The following TMCO6 variants were observed in gnomAD, a reference collection of about 807,000 sequenced individuals.
TMCO6 encodes transmembrane and coiled-coil domains 6, also known as transmembrane and coiled-coil domain-containing protein 6.
Under a neutral mutation model 61.8 loss-of-function variants are expected in TMCO6, and 47 were observed. The observed-to-expected ratio is 0.76, with a 90% CI of 0.60 to 0.97. TMCO6 has a LOEUF of 0.97. Among genes scored for constraint, TMCO6 ranks in the 50% least tolerant of loss-of-function variants. The pLI is 0.00. For synonymous variants in TMCO6, 261 were observed against 254.2 expected (o/e 1.03, Z -0.25); for missense variants, 557 against 601.6 (o/e 0.93, Z 0.78).
chr5:140,643,059 A>G lies in TMCO6; in HGVS notation c.806+18A>G. On this transcript the variant is annotated intron_variant, in intron 7 of 11. Coordinates refer to ENST00000394671, the MANE Select transcript of TMCO6 (RefSeq NM_018502.5). ...ATCTGCAGGTAACAGGGCAATTGGG[A>G]AAGTACCACAGATCTTCCCTGGGGC... 6.2e-7 allele frequency: 1 copy of G among 1,614,138 alleles called. No individual in the cohort carries two copies. The highest frequency in any genetic ancestry group is 8.5e-7 in the Non-Finnish European group (1 of 1,180,000).
Position 140,644,554 on chromosome 5 carries a change from T to C in TMCO6, c.1201-19T>C, listed in dbSNP as rs1268696764. 4 of 1,613,398 alleles carry C rather than the reference T, an allele frequency of 2.5e-6. No homozygotes were observed. Among genetic ancestry groups the C allele is most frequent in the East Asian group, 2.2e-5 (1 of 44,866 alleles). ...TTTGTGTTTCATTCTTTGTAGACTA[T>C]ATATGTGTCTATCTGCAGGTGCTCA... On this transcript the variant is annotated intron_variant, in intron 10 of 11. Transcript: ENST00000394671.
chr5:140,601,486 C>T, the TMCO6 span, among the ~76,000 whole-genome samples: 2 of 152,186 alleles, frequency 1.3e-5, no homozygotes, highest in Non-Finnish European at 2.9e-5. Context: ...CAGGGGCTCC[C>T]TTTGGTCCAC....
chr5:140,604,605 T>G, the TMCO6 span, among the ~76,000 whole-genome samples: 2 of 152,092 alleles, frequency 1.3e-5, no homozygotes, highest in Non-Finnish European at 2.9e-5. Flanking sequence ...TTTTTTTTGT[T>G]GCTCATGCTT....
the TMCO6 span, among the ~76,000 whole-genome samples, chr5:140,615,152 C>T: frequency 6.6e-6 from 1 of 152,118 alleles, no homozygotes; most frequent in African/African-American, 2.4e-5. Flanking sequence ...ATATATTAAC[C>T]ATGAACAATC....
chr5:140,636,477 AAAT>A (rs1267339738), upstream of TMCO6, among the ~76,000 whole-genome samples: 1 of 147,722 alleles, frequency 6.8e-6, no homozygotes. Flanking sequence ...TCAAAAAAAA[AAAT>A]AAATAAATAA....
chr5:140,609,570 C>T, the TMCO6 span, among the ~76,000 whole-genome samples: 1 of 151,446 alleles, frequency 6.6e-6, no homozygotes, highest in Non-Finnish European at 1.5e-5. Flanking sequence ...AAGCCCCCTA[C>T]CTCGGGCATG....
chr5:140,600,975 C>G, the TMCO6 span, among the ~76,000 whole-genome samples: 1 of 152,144 alleles, frequency 6.6e-6, no homozygotes, highest in Non-Finnish European at 1.5e-5. Flanking sequence ...AGGACTTCAC[C>G]AACAGATTTT....
the TMCO6 span, chr5:140,632,936 G>T: frequency 1.2e-6 from 2 of 1,614,134 alleles, no homozygotes; most frequent in Admixed American, 1.7e-5. This position sits in a 1 kb window ranked among gnomAD's most constrained non-coding sequence, Gnocchi z 6.2. Context: ...TCGCAGAGAC[G>T]TGCACCAGCG....
chr5:140,612,932 T>C, the TMCO6 span, among the ~76,000 whole-genome samples: 7 of 152,328 alleles, frequency 4.6e-5, 1 homozygote, highest in South Asian at 1.2e-3. Flanking sequence ...ACATTTGCCA[T>C]GTACCAGGCA....
chr5:140,643,342 G>A, intron 7 of TMCO6: 1 of 586,394 alleles, frequency 1.7e-6, no homozygotes, highest in East Asian at 3.1e-5. Context: ...GACTACAGAT[G>A]CGTGCCACTA....
the TMCO6 span, among the ~76,000 whole-genome samples, chr5:140,628,240 T>C: frequency 1.3e-5 from 2 of 152,092 alleles, no homozygotes; most frequent in Non-Finnish European, 2.9e-5. Context: ...TATGACATGC[T>C]TGGATATTCT....
the TMCO6 span, chr5:140,633,353 A>G: frequency 1.8e-6 from 1 of 563,852 alleles, no homozygotes; most frequent in Non-Finnish European, 3.2e-6. Flanking sequence ...AGGATTCTGC[A>G]GGGCATCTAG....
chr5:140,621,569 A>G, the TMCO6 span, among the ~76,000 whole-genome samples: 10 of 152,238 alleles, frequency 6.6e-5, no homozygotes, highest in Non-Finnish European at 1.5e-4. Context: ...GTGTTTGAGC[A>G]ATATGAAATC....
At chr5:140,617,008 A>T in the TMCO6 span, among the ~76,000 whole-genome samples, 1 of 152,032 alleles carries the variant, frequency 6.6e-6, no homozygotes, top group Non-Finnish European at 1.5e-5. Context: ...ATGCCACTGC[A>T]CTCCAGTCTA....
At chr5:140,635,344 C>T (rs1756744796), upstream of TMCO6, among the ~76,000 whole-genome samples, 2 of 152,224 alleles carry the variant, frequency 1.3e-5, no homozygotes, top group African/African-American at 4.8e-5. Context: ...TTGGGCCTCC[C>T]TTCTGTAAAA....
the TMCO6 span, among the ~76,000 whole-genome samples, chr5:140,616,392 C>T: frequency 1.3e-5 from 2 of 151,652 alleles, no homozygotes; most frequent in African/African-American, 2.4e-5. Context: ...AACCATATCT[C>T]TACAAAAAAA....
the TMCO6 span, among the ~76,000 whole-genome samples, chr5:140,628,878 C>T: frequency 1.3e-5 from 2 of 152,124 alleles, no homozygotes; most frequent in Non-Finnish European, 2.9e-5. Context: ...CCAGACAGCT[C>T]CTAAGTTACT....
upstream of TMCO6, chr5:140,638,715 C>G (rs1756845236): frequency 6.6e-6 from 1 of 152,066 alleles, no homozygotes. Context: ...CACCACTACT[C>G]CCGGCTAATT....
chr5:140,599,732 C>T, the TMCO6 span, among the ~76,000 whole-genome samples: 2 of 152,122 alleles, frequency 1.3e-5, no homozygotes, highest in East Asian at 3.9e-4. Flanking sequence ...GAAACCCCAT[C>T]TCTACTAAAA....
Sources: allele counts gnomAD v4.1 joint callset (sites outside exome capture counted in the v4.1 genomes callset), GRCh38; gene constraint gnomAD v4.1.1; non-coding constraint Gnocchi (gnomAD v3.1); transcripts MANE v1.5; gene names NCBI Gene and HGNC (gene_info 2026-07-23, HGNC 2026-07-21).